ARHGEF3: variants seen among roughly 807,000 people sequenced by gnomAD.
The protein encoded by ARHGEF3 is Rho guanine nucleotide exchange factor 3.
Under a neutral mutation model 63.2 loss-of-function variants are expected in ARHGEF3, and 28 were observed. The observed-to-expected ratio is 0.44, with a 90% CI of 0.33 to 0.61. The LOEUF is 0.61. ARHGEF3 is among the 20% of genes least tolerant of loss of function. The probability of loss-of-function intolerance (pLI) is 0.03; values close to 1 mark genes in which losing one functional copy is unlikely to be tolerated. For missense variants in ARHGEF3, 533 were observed against 659.3 expected, an observed-to-expected ratio of 0.81 and a Z score of 2.10; for synonymous variants, 266 against 254.2, an observed-to-expected ratio of 1.05 and a Z score of -0.44.
intron 3 of ARHGEF3, among the ~76,000 whole-genome samples, chr3:56,901,243 C>T (rs956939876): frequency 6.6e-6 from 1 of 152,092 alleles, no homozygotes; most frequent in South Asian, 2.1e-4. Context: ...AATAAAGGCC[C>T]TTTCATTGGT....
At chr3:56,871,134 C>T (rs1031366037) in intron 4 of ARHGEF3, among the ~76,000 whole-genome samples, 7 of 152,028 alleles carry the variant, frequency 4.6e-5, no homozygotes, top group Non-Finnish European at 1.0e-4. Flanking sequence ...TTAGCTCTAT[C>T]TCTGCTGTTT....
intron 2 of ARHGEF3, among the ~76,000 whole-genome samples, chr3:56,970,285 G>A (rs74536580): frequency 0.043 from 6,495 of 151,940 alleles, 489 homozygotes; most frequent in African/African-American, 0.15. Flanking sequence ...AAATATTTTC[G>A]GGCAAAATAA....
chr3:56,911,768 T>C (rs932713023), intron 3 of ARHGEF3, among the ~76,000 whole-genome samples: 4 of 152,012 alleles, frequency 2.6e-5, no homozygotes, highest in East Asian at 1.9e-4. Context: ...CCTCAGGACA[T>C]AGGTGCTTCA....
chr3:56,855,684 A>T (rs1028237844), intron 4 of ARHGEF3, among the ~76,000 whole-genome samples: 2 of 151,610 alleles, frequency 1.3e-5, no homozygotes, highest in Non-Finnish European at 2.9e-5. Context: ...GTCTCAAAAA[A>T]AAAAAAAAAA....
intron 4 of ARHGEF3, among the ~76,000 whole-genome samples, chr3:56,875,536 A>C (rs1343546953): frequency 6.6e-6 from 1 of 152,218 alleles, no homozygotes; most frequent in Admixed American, 6.5e-5. Context: ...ACCATATACT[A>C]TAACAAAAAT....
intron 1 of ARHGEF3, among the ~76,000 whole-genome samples, chr3:56,776,058 G>C (rs909405269): frequency 2.0e-5 from 3 of 152,176 alleles, no homozygotes; most frequent in Non-Finnish European, 4.4e-5. Flanking sequence ...GAAGCTGAAA[G>C]GCAAACGCCA....
At chr3:56,733,955 G>C in intron 8 of ARHGEF3, among the ~76,000 whole-genome samples, 1 of 131,418 alleles carries the variant, frequency 7.6e-6, no homozygotes, top group Non-Finnish European at 1.5e-5. Context: ...TTGCACTCCA[G>C]TCTGGGCGAC....
intron 1 of ARHGEF3, among the ~76,000 whole-genome samples, chr3:56,774,278 G>T (rs2107842959): frequency 6.6e-6 from 1 of 151,802 alleles, no homozygotes; most frequent in Admixed American, 6.5e-5. Context: ...AAAGCACCAA[G>T]ATTGTTTTCT....
chr3:56,778,723 A>AG (rs1193605086), intron 1 of ARHGEF3, among the ~76,000 whole-genome samples: 1 of 152,098 alleles, frequency 6.6e-6, no homozygotes, highest in Non-Finnish European at 1.5e-5. Context: ...TTTTTAGAGA[A>AG]GGGGTCTTGC....
intron 1 of ARHGEF3, among the ~76,000 whole-genome samples, chr3:57,036,856 T>C (rs755331888): frequency 2.6e-5 from 4 of 152,200 alleles, no homozygotes; most frequent in Non-Finnish European, 5.9e-5. Context: ...TGCTTGGCCA[T>C]ATCTCCAGCA....
At chr3:56,761,190 G>T (rs1276544044) in intron 2 of ARHGEF3, among the ~76,000 whole-genome samples, 1 of 152,170 alleles carries the variant, frequency 6.6e-6, no homozygotes, top group Non-Finnish European at 1.5e-5. Context: ...GCAGCAGCTG[G>T]TATGGTCTGG....
chr3:57,072,726 C>CAAA (rs11332171), intron 1 of ARHGEF3, among the ~76,000 whole-genome samples: 1 of 112,170 alleles, frequency 8.9e-6, no homozygotes, highest in Non-Finnish European at 1.8e-5. Context: ...GAGACTCTGT[C>CAAA]AAAAAAAAAA....
intron 2 of ARHGEF3, among the ~76,000 whole-genome samples, chr3:57,005,273 A>G (rs1459822221): frequency 6.6e-6 from 1 of 152,154 alleles, no homozygotes; most frequent in African/African-American, 2.4e-5. Flanking sequence ...ATAATACTAC[A>G]TCCTAGGTAC....
intron 2 of ARHGEF3, among the ~76,000 whole-genome samples, chr3:57,027,637 G>C (rs561980324): frequency 6.6e-6 from 1 of 152,202 alleles, no homozygotes; most frequent in East Asian, 1.9e-4. Flanking sequence ...GGTGGATCAC[G>C]TGAGGCCAGG....
chr3:56,983,305 G>A (rs533046607), intron 2 of ARHGEF3, among the ~76,000 whole-genome samples: 1 of 152,040 alleles, frequency 6.6e-6, no homozygotes, highest in African/African-American at 2.4e-5. Flanking sequence ...GGTCTGCTAG[G>A]GTTGAGTGGT....
At chr3:57,009,994 A>C (rs1201670397) in intron 2 of ARHGEF3, among the ~76,000 whole-genome samples, 1 of 152,182 alleles carries the variant, frequency 6.6e-6, no homozygotes, top group Non-Finnish European at 1.5e-5. Context: ...CACCGCAGCA[A>C]GTGGTGGAGC....
At chr3:56,791,226 G>C (rs959173320) in intron 1 of ARHGEF3, among the ~76,000 whole-genome samples, 1 of 151,962 alleles carries the variant, frequency 6.6e-6, no homozygotes, top group Admixed American at 6.6e-5. Flanking sequence ...AACATAATGA[G>C]ACCCTGACTC....
chr3:56,913,330 G>T lies in ARHGEF3; in HGVS notation c.130-30976C>A, dbSNP rs145986628. On this transcript the variant is annotated intron_variant, in intron 3 of 12. Coordinates refer to the ARHGEF3 transcript ENST00000338458. Reference sequence around the variant, plus strand: ...GCAAAAAAAATAAGCAACCCAATTCGAAAGTGAGCAAAGGACTTGAACAGA... The same window carrying T: ...GCAAAAAAAATAAGCAACCCAATTCTAAAGTGAGCAAAGGACTTGAACAGA... 5.9e-5 allele frequency among the ~76,000 whole-genome samples: 9 copies of T among 152,196 alleles called. No homozygotes were observed. The South Asian group carries it at 1.9e-3, about 32-fold the overall frequency.
intron 3 of ARHGEF3, among the ~76,000 whole-genome samples, chr3:56,924,324 A>T (rs543472645): frequency 2.0e-5 from 3 of 152,310 alleles, no homozygotes; most frequent in African/African-American, 7.2e-5. Context: ...TTCTTAAAGC[A>T]CCACTGCCTA....
Sources: allele counts gnomAD v4.1 joint callset (sites outside exome capture counted in the v4.1 genomes callset), GRCh38; gene constraint gnomAD v4.1.1; transcripts MANE v1.5; gene names NCBI Gene and HGNC (gene_info 2026-07-23, HGNC 2026-07-21).